COL9A1: variants seen among roughly 807,000 people sequenced by gnomAD.
The protein encoded by COL9A1 is collagen alpha-1(IX) chain.
In COL9A1, 104 loss-of-function variants were observed where a neutral mutation model predicts 142.6. That is an observed-to-expected ratio of 0.73 (90% CI 0.62 to 0.86). The LOEUF (loss-of-function observed/expected upper bound fraction) is 0.86, where lower values mean the gene tolerates loss of function less well. COL9A1 is among the 40% of genes least tolerant of loss of function. The pLI is 0.00. For synonymous variants in COL9A1, 466 were observed against 396.0 expected (o/e 1.18, Z -2.10); for missense variants, 1,210 against 1,176.6 (o/e 1.03, Z -0.42).
chr6:70,234,865 C>T lies in COL9A1; in HGVS notation c.2188G>A (p.Gly730Arg). ...TGCACACCCCGGGGTCCAGGTGGTC[C>T]TCTTGGTCCTTCCACTCCAGGAAGC... ...RGLPGVEGPRGPPGPRGVQGE... is the reference protein window; with the variant it reads ...RGLPGVEGPRRPPGPRGVQGE... Residue 730 changes from glycine (G) to arginine (R), a missense_variant, in exon 34 of 38, where the codon GGA becomes AGA. By Grantham distance (125) the Gly-to-Arg change is moderately radical. Coordinates refer to ENST00000357250, the MANE Select transcript of COL9A1 (RefSeq NM_001851.6). 6.2e-7 allele frequency: 1 copy of T among 1,614,160 alleles called. No individual in the cohort carries two copies. The highest frequency in any genetic ancestry group is 8.5e-7 in the Non-Finnish European group (1 of 1,180,030).
At chr6:70,273,654 A>T (rs1284171756) in intron 12 of COL9A1, among the ~76,000 whole-genome samples, 1 of 152,150 alleles carries the variant, frequency 6.6e-6, no homozygotes, top group Non-Finnish European at 1.5e-5. Context: ...TTCATTAGAG[A>T]TAAAACCAGT....
chr6:70,229,515 T>C (rs1769419102), intron 36 of COL9A1, among the ~76,000 whole-genome samples: 1 of 152,174 alleles, frequency 6.6e-6, no homozygotes, highest in Non-Finnish European at 1.5e-5. Context: ...TCTATCTCCA[T>C]GTAAACAGAT....
intron 32 of COL9A1, among the ~76,000 whole-genome samples, chr6:70,240,362 C>T (rs17692395): frequency 0.048 from 7,277 of 152,116 alleles, 243 homozygotes; most frequent in Non-Finnish European, 0.075. Flanking sequence ...TAAGAATCAC[C>T]TTGAATGTCT....
intron 18 of COL9A1, among the ~76,000 whole-genome samples, chr6:70,264,545 C>A (rs570800918): frequency 6.6e-5 from 10 of 152,088 alleles, no homozygotes; most frequent in African/African-American, 2.4e-4. Context: ...AATTCTACTT[C>A]TATTTCCCTA....
At chr6:70,236,008 G>A (rs145281604) in intron 33 of COL9A1, among the ~76,000 whole-genome samples, 2,574 of 150,576 alleles carry the variant, frequency 0.017, 35 homozygotes, top group Middle Eastern at 0.027. Flanking sequence ...AGCTACTCAG[G>A]AGGCTGAGGC....
chr6:70,252,509 G>A (rs902531940), intron 26 of COL9A1, among the ~76,000 whole-genome samples, 194 bp from the exon 27 acceptor site: 1 of 152,178 alleles, frequency 6.6e-6, no homozygotes, highest in Non-Finnish European at 1.5e-5. Context: ...TATTGTCTGT[G>A]AGTCTGGGAA....
chr6:70,251,185 A>G (rs1363621168), intron 28 of COL9A1, among the ~76,000 whole-genome samples: 1 of 152,228 alleles, frequency 6.6e-6, no homozygotes, highest in African/African-American at 2.4e-5. Flanking sequence ...AAGTACTGAT[A>G]CATGCTACAG....
intron 37 of COL9A1, among the ~76,000 whole-genome samples, chr6:70,220,663 T>C (rs1768824964): frequency 6.6e-6 from 1 of 152,202 alleles, no homozygotes; most frequent in East Asian, 1.9e-4. Flanking sequence ...TGTGGGAGCC[T>C]CAGTTGGGTG....
intron 8 of COL9A1, 102 bp from the exon 9 acceptor site, chr6:70,281,141 T>C (rs1773135299): frequency 9.7e-7 from 1 of 1,034,506 alleles, no homozygotes; most frequent in Admixed American, 2.3e-5. Flanking sequence ...ATGGGGATGG[T>C]GTAAGGGTCA....
At position 70,262,477 on chromosome 6, in the gene COL9A1, T is replaced by G. The variant is rs181672845; in HGVS notation, c.1395+767A>C. On this transcript the variant is annotated intron_variant, in intron 19 of 37. Transcript: ENST00000357250. The stretch of plus-strand genomic sequence containing the variant: ...TGTGGAGAAGAGCAGAGCAGGTGAA[T>G]GGTGTTCCTGTGTTTGTCTTCAATT... Among the ~76,000 whole-genome samples, 472 of 152,332 alleles carry G rather than the reference T, an allele frequency of 3.1e-3. 1 individual carries two copies. The highest frequency in any genetic ancestry group is 0.011 in the African/African-American group (438 of 41,574).
Position 70,263,304 on chromosome 6 carries a change from A to C in COL9A1, c.1342-7T>G, listed in dbSNP as rs1771812219. 6.2e-7 allele frequency: 1 copy of C among 1,603,170 alleles called. No homozygotes were observed. The highest frequency in any genetic ancestry group is 1.4e-5 in the African/African-American group (1 of 73,914). On this transcript the variant is annotated splice_polypyrimidine_tract_variant and splice_region_variant and intron_variant, in intron 18 of 37. Coordinates refer to ENST00000357250, the MANE Select transcript of COL9A1 (RefSeq NM_001851.6). ...CCTGGTCACCTTCTTCACCCTAAAG[A>C]AAAAAAAGAAAAAAGAAAAGCACAC...
chr6:70,233,656 T>C (rs370693757), intron 35 of COL9A1, among the ~76,000 whole-genome samples: 2 of 152,228 alleles, frequency 1.3e-5, no homozygotes, highest in East Asian at 1.9e-4. Context: ...GAATAATAAT[T>C]TTTTAGATAT....
At chr6:70,270,670 A>G (rs1772336346) in intron 14 of COL9A1, among the ~76,000 whole-genome samples, 1 of 152,224 alleles carries the variant, frequency 6.6e-6, no homozygotes, top group Non-Finnish European at 1.5e-5. Flanking sequence ...AATTGGAAAC[A>G]CTACTTATTT....
intron 37 of COL9A1, among the ~76,000 whole-genome samples, chr6:70,218,257 C>T (rs897865017): frequency 6.6e-6 from 1 of 152,138 alleles, no homozygotes; most frequent in Non-Finnish European, 1.5e-5. Flanking sequence ...GCCATGTGCC[C>T]TACAAATTTT....
chr6:70,230,459 GT>G (rs759298548), intron 36 of COL9A1, among the ~76,000 whole-genome samples: 1 of 152,126 alleles, frequency 6.6e-6, no homozygotes, highest in East Asian at 1.9e-4. Context: ...GAAAAGAATT[GT>G]ATCACTTCAT....
At chr6:70,223,790 A>G (rs544863744) in intron 37 of COL9A1, among the ~76,000 whole-genome samples, 1 of 152,368 alleles carries the variant, frequency 6.6e-6, no homozygotes, top group South Asian at 2.1e-4. Flanking sequence ...TTGTCACTAA[A>G]TAATGTCAGA....
chr6:70,274,046 C>G lies in COL9A1; in HGVS notation c.1065+1G>C. On this transcript the variant is annotated splice_donor_variant, in intron 12 of 37. Transcript: ENST00000357250. LOFTEE classifies it high-confidence loss of function. ...AATTCTGTAGCTTTACATTTACTTA[C>G]TGGAAATCCACGCGATCCAGGCACA... 1.3e-6 allele frequency: 2 copies of G among 1,552,822 alleles called. No individual in the cohort carries two copies. Among genetic ancestry groups the G allele is most frequent in the Non-Finnish European group, 1.7e-6 (2 of 1,145,918 alleles).
intron 33 of COL9A1, among the ~76,000 whole-genome samples, chr6:70,237,805 CG>C (rs1770008473): frequency 2.0e-5 from 3 of 152,280 alleles, no homozygotes; most frequent in Admixed American, 6.5e-5. Flanking sequence ...TAAGTTAATA[CG>C]ATGTAATAAT....
At chr6:70,301,526 G>A (rs752434807) in intron 2 of COL9A1, among the ~76,000 whole-genome samples, 3 of 152,172 alleles carry the variant, frequency 2.0e-5, no homozygotes, top group Admixed American at 6.5e-5. Context: ...GCAGTGAGCC[G>A]AGATTGTGTC....
Sources: gnomAD v4.1 joint callset for allele counts (sites outside exome capture counted in the v4.1 genomes callset) on GRCh38, gnomAD v4.1.1 for gene constraint, MANE v1.5 for transcripts, NCBI Gene and HGNC (gene_info 2026-07-23, HGNC 2026-07-21) for gene names.